The following ARMH3 variants were observed in gnomAD, a reference collection of about 807,000 sequenced individuals.
The protein encoded by ARMH3 is armadillo like helical domain containing 3.
In ARMH3, 60 loss-of-function variants were observed where a neutral mutation model predicts 99.1. That is an observed-to-expected ratio of 0.61 (90% CI 0.49 to 0.75). The LOEUF is 0.75. Among genes scored for constraint, ARMH3 ranks in the 30% least tolerant of loss-of-function variants. ARMH3 has a pLI of 0.00. For synonymous variants in ARMH3, 285 were observed against 292.8 expected, an observed-to-expected ratio of 0.97 and a Z score of 0.27; for missense variants, 679 against 843.1, an observed-to-expected ratio of 0.81 and a Z score of 2.41.
At chr10:101,948,546 C>A (rs1844651582) in intron 22 of ARMH3, among the ~76,000 whole-genome samples, 1 of 152,004 alleles carries the variant, frequency 6.6e-6, no homozygotes, top group African/African-American at 2.4e-5. Context: ...AGTCAATTTG[C>A]CAAGATATAA....
At chr10:101,927,362 C>T (rs2135642369) in intron 23 of ARMH3, among the ~76,000 whole-genome samples, 1 of 152,262 alleles carries the variant, frequency 6.6e-6, no homozygotes, top group South Asian at 2.1e-4. Flanking sequence ...AATGTACTCT[C>T]CTGCCATCAG....
At chr10:101,878,960 T>C (rs929783281) in intron 24 of ARMH3, among the ~76,000 whole-genome samples, 2 of 152,218 alleles carry the variant, frequency 1.3e-5, no homozygotes. Flanking sequence ...AAAGTTACCA[T>C]ACTGTGCCAG....
chr10:101,950,194 A>G (rs1036093740), intron 22 of ARMH3, among the ~76,000 whole-genome samples: 5 of 152,208 alleles, frequency 3.3e-5, no homozygotes, highest in African/African-American at 9.6e-5. Context: ...CACAACATTC[A>G]CATACAACAT....
intron 23 of ARMH3, among the ~76,000 whole-genome samples, chr10:101,905,693 G>C (rs1589995842): frequency 6.6e-6 from 1 of 152,020 alleles, no homozygotes; most frequent in Non-Finnish European, 1.5e-5. Flanking sequence ...AGGTAGGTTG[G>C]GATCAAATGT....
At chr10:102,026,386 T>C (rs1012498929) in intron 5 of ARMH3, among the ~76,000 whole-genome samples, 2 of 152,272 alleles carry the variant, frequency 1.3e-5, no homozygotes, top group East Asian at 1.9e-4. Context: ...TTTAGTCTTA[T>C]GGGAGAGAAA....
chr10:102,047,273 T>C (rs1416047795), intron 1 of ARMH3, among the ~76,000 whole-genome samples: 1 of 152,136 alleles, frequency 6.6e-6, no homozygotes, highest in Non-Finnish European at 1.5e-5. Flanking sequence ...CTGAGGATAA[T>C]TCTCCCTCAA....
At chr10:101,848,975 T>C (rs1340546438) in intron 25 of ARMH3, among the ~76,000 whole-genome samples, 4 of 152,024 alleles carry the variant, frequency 2.6e-5, no homozygotes, top group Non-Finnish European at 5.9e-5. Flanking sequence ...AGGATCAGAG[T>C]TGGGCTGTGT....
intron 23 of ARMH3, among the ~76,000 whole-genome samples, chr10:101,930,863 G>A (rs1033388650): frequency 6.6e-6 from 1 of 152,120 alleles, no homozygotes; most frequent in Admixed American, 6.5e-5. Context: ...ATATAGCACT[G>A]AATATGTGCC....
At chr10:102,050,573 A>G (rs1199329281) in intron 1 of ARMH3, among the ~76,000 whole-genome samples, 2 of 152,148 alleles carry the variant, frequency 1.3e-5, no homozygotes, top group Non-Finnish European at 1.5e-5. Flanking sequence ...ATCCAAGAAA[A>G]GTCACCAAAT....
intron 23 of ARMH3, among the ~76,000 whole-genome samples, chr10:101,921,965 A>T (rs1843325558): frequency 6.6e-6 from 1 of 152,206 alleles, no homozygotes; most frequent in Non-Finnish European, 1.5e-5. Context: ...TATATATTTT[A>T]AAATAGCTAG....
chr10:101,959,631 G>T (rs1364819289), intron 20 of ARMH3, among the ~76,000 whole-genome samples: 1 of 152,212 alleles, frequency 6.6e-6, no homozygotes, highest in Non-Finnish European at 1.5e-5. Flanking sequence ...ACTACAGCTA[G>T]TCTTGATCTC....
At chr10:101,940,012 C>T (rs906445232) in intron 22 of ARMH3, 74 bp from the exon 23 acceptor site, 24 of 1,171,824 alleles carry the variant, frequency 2.0e-5, no homozygotes, top group Non-Finnish European at 3.0e-5. Context: ...GAAGACACAT[C>T]TCAGAATAGC....
At chr10:101,985,427 CT>C (rs1846456399) in intron 19 of ARMH3, among the ~76,000 whole-genome samples, 1 of 151,144 alleles carries the variant, frequency 6.6e-6, no homozygotes, top group Non-Finnish European at 1.5e-5. Flanking sequence ...TATATATATA[CT>C]GGAGGCCAGG....
intron 19 of ARMH3, 104 bp from the exon 20 acceptor site, chr10:101,975,404 C>T (rs1360883177): frequency 4.9e-6 from 4 of 809,552 alleles, no homozygotes; most frequent in Non-Finnish European, 8.3e-6. Flanking sequence ...ACTAAAGACA[C>T]TGGATATGAA....
At chr10:102,019,821 C>T (rs575808847) in intron 8 of ARMH3, among the ~76,000 whole-genome samples, 7 of 150,572 alleles carry the variant, frequency 4.6e-5, no homozygotes, top group Non-Finnish European at 8.9e-5. Flanking sequence ...CCAGCTACTC[C>T]GGAGGCTGAG....
At chr10:101,891,799 CAG>C (rs1169334268) in intron 23 of ARMH3, among the ~76,000 whole-genome samples, 1 of 152,004 alleles carries the variant, frequency 6.6e-6, no homozygotes. Context: ...TATTCCAAAA[CAG>C]AAAGTTTATT....
intron 4 of ARMH3, among the ~76,000 whole-genome samples, chr10:102,032,643 G>A (rs1191269618): frequency 6.6e-6 from 1 of 151,920 alleles, no homozygotes; most frequent in Non-Finnish European, 1.5e-5. Context: ...CAAGTGATCT[G>A]CCCACCTCAG....
At chr10:102,050,211 GGA>G (rs2067663707) in intron 1 of ARMH3, among the ~76,000 whole-genome samples, 1 of 151,968 alleles carries the variant, frequency 6.6e-6, no homozygotes, top group Non-Finnish European at 1.5e-5. Context: ...GGGAGGCCGA[GGA>G]GGGCAGATCA....
chr10:101,921,731 C>A (rs769445116), intron 23 of ARMH3, among the ~76,000 whole-genome samples: 21 of 152,114 alleles, frequency 1.4e-4, no homozygotes, highest in Non-Finnish European at 1.6e-4. Context: ...AAGCCAGGCA[C>A]AGAAAGACAA....
Sources: allele counts gnomAD v4.1 joint callset (sites outside exome capture counted in the v4.1 genomes callset), GRCh38; gene constraint gnomAD v4.1.1; transcripts MANE v1.5; gene names NCBI Gene and HGNC (gene_info 2026-07-23, HGNC 2026-07-21).